Variants in PIWIL1 observed in about 807,000 individuals in gnomAD.
The protein encoded by PIWIL1 is piwi like RNA-mediated gene silencing 1, also known as piwi-like protein 1.
A neutral mutation model predicts 114.4 loss-of-function variants in PIWIL1; 73 were observed. That is an observed-to-expected ratio of 0.64 (90% CI 0.53 to 0.78). PIWIL1 has a LOEUF of 0.78. Among genes scored for constraint, PIWIL1 ranks in the 30% least tolerant of loss-of-function variants. The pLI, the probability that PIWIL1 is intolerant of heterozygous loss-of-function variation, is 0.00. For synonymous variants in PIWIL1, 375 were observed against 369.0 expected, an observed-to-expected ratio of 1.02 and a Z score of -0.19; for missense variants, 723 against 1,063.1, an observed-to-expected ratio of 0.68 and a Z score of 4.45.
At chr12:130,356,615 CTTG>C (rs2073372767) in intron 12 of PIWIL1, among the ~76,000 whole-genome samples, 3 of 152,122 alleles carry the variant, frequency 2.0e-5, no homozygotes, top group Admixed American at 2.0e-4. Context: ...AGTAGCTATA[CTTG>C]TAAGATTTTT....
At chr12:130,359,048 CTAAGTTA>C (rs1451336131) in intron 14 of PIWIL1, among the ~76,000 whole-genome samples, 1 of 152,158 alleles carries the variant, frequency 6.6e-6, no homozygotes, top group African/African-American at 2.4e-5. Flanking sequence ...TGAAAGCTTT[CTAAGTTA>C]TATTTCTTCT....
chr12:130,339,263 G>A (rs2072828313), intron 1 of PIWIL1, among the ~76,000 whole-genome samples: 1 of 152,166 alleles, frequency 6.6e-6, no homozygotes, highest in African/African-American at 2.4e-5. Flanking sequence ...AAGGGGCGGC[G>A]GGGCGGTGGC....
chr12:130,424,766 G>A, the PIWIL1 span: 337 of 1,232,664 alleles, frequency 2.7e-4, no homozygotes, highest in African/African-American at 4.5e-4. The surrounding 1 kb of genome is among the most constrained non-coding windows in gnomAD (Gnocchi z 9.8). Context: ...CCGCTACTTC[G>A]GGGATACTGA....
intron 12 of PIWIL1, 116 bp from the exon 13 acceptor site, chr12:130,356,802 C>T: frequency 1.6e-6 from 1 of 635,986 alleles, no homozygotes; most frequent in Non-Finnish European, 2.6e-6. Flanking sequence ...TTAATTCAAG[C>T]ATAAAAGTAG....
the PIWIL1 span, chr12:130,399,649 A>G: frequency 1.2e-6 from 2 of 1,612,702 alleles, 1 homozygote; most frequent in South Asian, 2.2e-5. Flanking sequence ...AACGGGACAG[A>G]GATTAAAAAG....
At chr12:130,346,892 T>G (rs1215020208) in intron 5 of PIWIL1, 49 bp from the exon 6 acceptor site, 6 of 1,588,320 alleles carry the variant, frequency 3.8e-6, no homozygotes, top group Non-Finnish European at 5.1e-6. Flanking sequence ...TTGGGCATAA[T>G]TGTCCTTTAA....
At chr12:130,377,626 A>G (rs1408381657), downstream of PIWIL1, among the ~76,000 whole-genome samples, 1 of 152,300 alleles carries the variant, frequency 6.6e-6, no homozygotes, top group Admixed American at 6.5e-5. Flanking sequence ...GGTTTTCTTC[A>G]TGGGTGCCTG....
At chr12:130,360,982 C>T (rs568921504) in intron 14 of PIWIL1, among the ~76,000 whole-genome samples, 198 bp from the exon 15 acceptor site, 1 of 152,268 alleles carries the variant, frequency 6.6e-6, no homozygotes. Flanking sequence ...CCTTCACGTG[C>T]AATTATCATT....
the PIWIL1 span, chr12:130,383,963 A>G: frequency 5.3e-5 from 8 of 152,178 alleles, no homozygotes; most frequent in Non-Finnish European, 1.0e-4. Flanking sequence ...TTGCTGTTTC[A>G]TATAAAATTA....
chr12:130,410,790 T>C, the PIWIL1 span, among the ~76,000 whole-genome samples: 1 of 152,240 alleles, frequency 6.6e-6, no homozygotes, highest in Non-Finnish European at 1.5e-5. Context: ...AATTAGCTTA[T>C]GTGAATCTTC....
intron 14 of PIWIL1, among the ~76,000 whole-genome samples, chr12:130,359,405 C>G (rs944769134): frequency 6.6e-6 from 1 of 152,122 alleles, no homozygotes; most frequent in African/African-American, 2.4e-5. Flanking sequence ...AAGACCATGA[C>G]CCCTGAAGAG....
chr12:130,389,535 G>A, the PIWIL1 span, among the ~76,000 whole-genome samples: 1 of 151,844 alleles, frequency 6.6e-6, no homozygotes, highest in East Asian at 1.9e-4. Flanking sequence ...CCAGGCATTT[G>A]TCTATTTTTT....
At chr12:130,348,760 G>T (rs2073137620) in intron 7 of PIWIL1, among the ~76,000 whole-genome samples, 1 of 152,166 alleles carries the variant, frequency 6.6e-6, no homozygotes, top group African/African-American at 2.4e-5. Context: ...GATTAGCCGG[G>T]TGTGGTGGCT....
At chr12:130,362,209 G>T (rs2136179883) in intron 16 of PIWIL1, among the ~76,000 whole-genome samples, 1 of 152,198 alleles carries the variant, frequency 6.6e-6, no homozygotes, top group East Asian at 1.9e-4. Flanking sequence ...TATTTTTTCT[G>T]CTCTTCTCCC....
the PIWIL1 span, among the ~76,000 whole-genome samples, chr12:130,415,400 C>G: frequency 1.3e-4 from 20 of 152,078 alleles, no homozygotes; most frequent in African/African-American, 4.8e-4. Flanking sequence ...AAAGATGTAC[C>G]TCAAAAATAG....
chr12:130,351,867 A>C (rs1358313680), intron 9 of PIWIL1, among the ~76,000 whole-genome samples: 1 of 152,066 alleles, frequency 6.6e-6, no homozygotes. Context: ...ACTCATACAC[A>C]TCTGTTCTTC....
intron 6 of PIWIL1, among the ~76,000 whole-genome samples, chr12:130,347,769 TG>T (rs10706816): frequency 0.27 from 40,972 of 152,128 alleles, 5,850 homozygotes; most frequent in South Asian, 0.43. Context: ...TGTCATCTCT[TG>T]GCAGCTCTTC....
At chr12:130,414,523 G>C in the PIWIL1 span, 6 of 426,726 alleles carry the variant, frequency 1.4e-5, no homozygotes, top group Non-Finnish European at 2.5e-5. Context: ...TGGCCACACT[G>C]CATGTGAAAG....
chr12:130,338,232 C>G (rs1413047770), intron 1 of PIWIL1, 86 bp downstream of exon 1: 4 of 235,370 alleles, frequency 1.7e-5, no homozygotes, highest in Non-Finnish European at 3.2e-5. Context: ...AGGTGAGGCT[C>G]GAGGTGCGGG....
Sources: allele counts gnomAD v4.1 joint callset (sites outside exome capture counted in the v4.1 genomes callset), GRCh38; gene constraint gnomAD v4.1.1; non-coding constraint Gnocchi (gnomAD v3.1); transcripts MANE v1.5; gene names NCBI Gene and HGNC (gene_info 2026-07-23, HGNC 2026-07-21).